PCNX1: variants seen among roughly 807,000 people sequenced by gnomAD.
PCNX1 encodes the protein pecanex 1, also known as pecanex-like protein 1.
A neutral mutation model predicts 242.2 loss-of-function variants in PCNX1; 78 were observed. The ratio of observed to expected loss-of-function variants is 0.32; its 90% CI spans 0.27 to 0.39. The LOEUF (loss-of-function observed/expected upper bound fraction) is 0.39, where lower values mean the gene tolerates loss of function less well. Ranked by LOEUF, PCNX1 falls within the 10% of genes least tolerant of loss-of-function variation. The pLI is 1.00. For synonymous variants in PCNX1, 1,024 were observed against 1,032.9 expected (o/e 0.99, Z 0.17); for missense variants, 2,581 against 2,856.5 (o/e 0.90, Z 2.20).
At chr14:71,061,023 A>G (rs1029077297) in intron 26 of PCNX1, among the ~76,000 whole-genome samples, 1 of 152,198 alleles carries the variant, frequency 6.6e-6, no homozygotes, top group African/African-American at 2.4e-5. Flanking sequence ...GGAACTCTAG[A>G]TAAGCTGATT....
chr14:71,043,507 C>CTCCCTCCCTTCCTTCCT (rs2060772225), intron 19 of PCNX1, among the ~76,000 whole-genome samples: 1 of 151,756 alleles, frequency 6.6e-6, no homozygotes, highest in African/African-American at 2.4e-5. Context: ...CCCTCCCTCC[C>CTCCCTCCCTTCCTTCCT]TCCCTCCCTT....
chr14:71,090,524 G>GA (rs1276007191), intron 30 of PCNX1, among the ~76,000 whole-genome samples: 3 of 152,116 alleles, frequency 2.0e-5, no homozygotes, highest in Non-Finnish European at 4.4e-5. Context: ...AAATCTCTGT[G>GA]AAAAATGGAA....
intron 1 of PCNX1, among the ~76,000 whole-genome samples, chr14:70,930,527 G>A (rs185021772): frequency 4.3e-4 from 66 of 152,222 alleles, no homozygotes; most frequent in Admixed American, 1.6e-3. Context: ...AGGTTATGGA[G>A]TGACAAACAG....
chr14:71,019,546 C>T (rs537820725), intron 12 of PCNX1, among the ~76,000 whole-genome samples: 4 of 152,156 alleles, frequency 2.6e-5, no homozygotes, highest in African/African-American at 7.2e-5. Context: ...GGATTACAGG[C>T]GCATGCCACC....
chr14:71,063,968 A>G (rs1252812031), intron 26 of PCNX1, among the ~76,000 whole-genome samples: 1 of 152,130 alleles, frequency 6.6e-6, no homozygotes, highest in Non-Finnish European at 1.5e-5. Flanking sequence ...TTTTTTACTG[A>G]TAAGTGTAAA....
intron 1 of PCNX1, among the ~76,000 whole-genome samples, chr14:70,931,228 T>G (rs974776077): frequency 6.6e-6 from 1 of 152,170 alleles, no homozygotes; most frequent in Non-Finnish European, 1.5e-5. Flanking sequence ...TTTTCTATCA[T>G]TGTGAGTAAG....
intron 1 of PCNX1, among the ~76,000 whole-genome samples, chr14:70,908,460 C>T (rs1193244054): frequency 3.3e-5 from 5 of 152,124 alleles, no homozygotes; most frequent in Non-Finnish European, 7.4e-5. Context: ...GTCCGGGGCT[C>T]CCGGGAGAGG....
chr14:71,031,066 C>G (rs1355769307), intron 16 of PCNX1, among the ~76,000 whole-genome samples: 1 of 152,158 alleles, frequency 6.6e-6, no homozygotes, highest in Non-Finnish European at 1.5e-5. Context: ...AGACTTTTTT[C>G]TTAGCCAGAA....
intron 28 of PCNX1, among the ~76,000 whole-genome samples, chr14:71,085,105 C>T (rs1464065095): frequency 6.6e-6 from 1 of 152,206 alleles, no homozygotes; most frequent in Non-Finnish European, 1.5e-5. Context: ...GCAAGTTCCC[C>T]GACCTCTTGT....
Position 71,008,127 on chromosome 14 carries a change from A to T in PCNX1, c.2630-1507A>T, listed in dbSNP as rs564849490. ...CAGCATAACTTTTATGATCCATAGA[A>T]TGTACTTAAATAATTCAAATTGTTG... On this transcript the variant is annotated intron_variant, in intron 8 of 35. Coordinates refer to ENST00000304743, the MANE Select transcript of PCNX1 (RefSeq NM_014982.3). Among the ~76,000 whole-genome samples, 5 of 152,334 alleles carry T rather than the reference A, an allele frequency of 3.3e-5. No homozygotes were observed. In the South Asian group the frequency reaches 1.0e-3, roughly 32 times the overall value.
chr14:70,980,263 A>G (rs1347729894), intron 6 of PCNX1, among the ~76,000 whole-genome samples: 3 of 151,702 alleles, frequency 2.0e-5, no homozygotes, highest in African/African-American at 4.8e-5. Context: ...TTTTTAGGAA[A>G]AGTTACCTGA....
At chr14:71,020,135 G>A (rs1029038547) in intron 12 of PCNX1, among the ~76,000 whole-genome samples, 3 of 152,170 alleles carry the variant, frequency 2.0e-5, no homozygotes, top group Non-Finnish European at 4.4e-5. Flanking sequence ...TGGCTGCATA[G>A]TATTCCATGT....
intron 26 of PCNX1, among the ~76,000 whole-genome samples, chr14:71,073,174 T>TA (rs749315705): frequency 5.9e-5 from 9 of 152,132 alleles, no homozygotes; most frequent in Non-Finnish European, 1.0e-4. Flanking sequence ...ATGCCTGTAA[T>TA]ACCAGCTCCT....
chr14:71,011,418 T>C (rs2059817303), intron 9 of PCNX1, 74 bp from the exon 10 acceptor site: 1 of 824,178 alleles, frequency 1.2e-6, no homozygotes, highest in African/African-American at 1.7e-5. Flanking sequence ...GATATGTGAA[T>C]CTCATCTGAA....
rs755256779 is a variant in PCNX1 at position 71,051,922 on chromosome 14, T to C, written c.4487T>C (p.Phe1496Ser). Residue 1496 changes from phenylalanine (F) to serine (S), a missense_variant, in exon 24 of 36, where the codon TTC (phenylalanine) becomes TCC (serine). Phe to Ser is a radical substitution (Grantham distance 155). Transcript: ENST00000304743. ...MLFIQAAVSA[F>S]FSTPLNPFLG... ...TTTATTCAGGCTGCTGTCTCGGCCT[T>C]CTTCTCTACTCCACTGAACCCCTTT... 4.3e-6 allele frequency: 7 copies of C among 1,613,820 alleles called. No individual in the cohort carries two copies. The highest frequency in any genetic ancestry group is 1.7e-5 in the Admixed American group (1 of 60,002).
At chr14:71,097,513 G>T (rs1420533885) in intron 30 of PCNX1, among the ~76,000 whole-genome samples, 1 of 152,144 alleles carries the variant, frequency 6.6e-6, no homozygotes, top group Admixed American at 6.5e-5. Context: ...GTGTGAGATG[G>T]TGGTTCTGAT....
intron 11 of PCNX1, among the ~76,000 whole-genome samples, chr14:71,016,777 G>T (rs529655112): frequency 3.3e-5 from 5 of 152,206 alleles, no homozygotes; most frequent in African/African-American, 9.6e-5. Context: ...AGAAAAGAAA[G>T]GTCTCAAATC....
chr14:70,939,874 C>T (rs778100017), intron 1 of PCNX1, among the ~76,000 whole-genome samples: 2 of 152,098 alleles, frequency 1.3e-5, no homozygotes, highest in African/African-American at 2.4e-5. Flanking sequence ...ATACCTTTAC[C>T]GTTATGCAAT....
At chr14:71,041,491 TTACTCA>T (rs1487553369) in intron 19 of PCNX1, among the ~76,000 whole-genome samples, 1 of 152,168 alleles carries the variant, frequency 6.6e-6, no homozygotes, top group Non-Finnish European at 1.5e-5. Context: ...TCACATATAG[TTACTCA>T]TAGTAGCCAC....
Sources: gnomAD v4.1 joint callset for allele counts (sites outside exome capture counted in the v4.1 genomes callset) on GRCh38, gnomAD v4.1.1 for gene constraint, MANE v1.5 for transcripts, NCBI Gene and HGNC (gene_info 2026-07-23, HGNC 2026-07-21) for gene names.